The following CELF2 variants were observed in gnomAD, a reference collection of about 807,000 sequenced individuals.
CELF2 encodes the protein CUG triplet repeat RNA-binding protein 2.
In CELF2, 8 loss-of-function variants were observed where a neutral mutation model predicts 62.6. The observed-to-expected ratio is 0.13, with a 90% confidence interval of 0.07 to 0.23. The LOEUF (loss-of-function observed/expected upper bound fraction) is 0.23, where lower values mean the gene tolerates loss of function less well. CELF2 is among the 10% of genes least tolerant of loss of function. CELF2 has a pLI of 1.00. For synonymous variants in CELF2, 258 were observed against 250.0 expected (o/e 1.03, Z -0.30); for missense variants, 333 against 671.0 (o/e 0.50, Z 5.56).
chr10:10,761,110 C>A, the CELF2 span, among the ~76,000 whole-genome samples: 1 of 152,070 alleles, frequency 6.6e-6, no homozygotes, highest in Non-Finnish European at 1.5e-5. Context: ...AAAAAAAAAT[C>A]TTGATGACTT....
At chr10:10,977,935 C>T (rs1374836874) in intron 2 of CELF2, among the ~76,000 whole-genome samples, 1 of 152,064 alleles carries the variant, frequency 6.6e-6, no homozygotes. Context: ...AAAACCAGTG[C>T]CTGGCACAGT....
intron 1 of CELF2, among the ~76,000 whole-genome samples, chr10:11,044,855 A>AC (rs1336456349): frequency 1.3e-5 from 2 of 152,242 alleles, no homozygotes; most frequent in Non-Finnish European, 2.9e-5. Flanking sequence ...CCACAATACC[A>AC]AAAGGGATAT....
intron 1 of CELF2, among the ~76,000 whole-genome samples, chr10:11,142,645 C>G (rs2061541203): frequency 6.9e-6 from 1 of 145,394 alleles, no homozygotes; most frequent in Non-Finnish European, 1.5e-5. Context: ...GATCATGCCA[C>G]TGCGGTCCAG....
At chr10:11,307,803 C>G (rs1211579093) in intron 9 of CELF2, among the ~76,000 whole-genome samples, 1 of 152,176 alleles carries the variant, frequency 6.6e-6, no homozygotes, top group East Asian at 1.9e-4. Flanking sequence ...TTTTCAGTAG[C>G]AATGGGGCTG....
At chr10:10,992,102 T>C (rs1426222783) in intron 2 of CELF2, among the ~76,000 whole-genome samples, 3 of 152,170 alleles carry the variant, frequency 2.0e-5, no homozygotes, top group African/African-American at 4.8e-5. Context: ...AAAACAAATT[T>C]ACTAGTCAAT....
At chr10:10,816,436 T>A (rs1029721419) in intron 1 of CELF2, among the ~76,000 whole-genome samples, 2 of 152,220 alleles carry the variant, frequency 1.3e-5, no homozygotes, top group Admixed American at 6.5e-5. Flanking sequence ...AATCAAGATG[T>A]TTCAAGTATA....
chr10:11,262,526 G>T (rs1035209023), intron 5 of CELF2, among the ~76,000 whole-genome samples: 10 of 152,170 alleles, frequency 6.6e-5, no homozygotes, highest in Non-Finnish European at 1.5e-4. Flanking sequence ...TCCAAATACA[G>T]ACTTCCAATC....
chr10:10,625,194 TATTGATAGAAAAGACAA>T, the CELF2 span, among the ~76,000 whole-genome samples: 1 of 150,688 alleles, frequency 6.6e-6, no homozygotes, highest in Non-Finnish European at 1.5e-5. Flanking sequence ...GTAGGTATGG[TATTGATAGAAAAGACAA>T]ATTAAAGATA....
the CELF2 span, among the ~76,000 whole-genome samples, chr10:10,674,763 T>C: frequency 8.6e-5 from 13 of 151,918 alleles, no homozygotes; most frequent in Non-Finnish European, 1.6e-4. Context: ...AAGCCCTCTT[T>C]CAAATAACAC....
chr10:11,291,477 T>G (rs566116937), intron 9 of CELF2, among the ~76,000 whole-genome samples: 9 of 152,356 alleles, frequency 5.9e-5, no homozygotes, highest in Admixed American at 5.9e-4. Flanking sequence ...TAGTTTAAAT[T>G]GCCCATGGTT....
chr10:11,154,944 C>T (rs186483085), intron 1 of CELF2, among the ~76,000 whole-genome samples: 5 of 152,156 alleles, frequency 3.3e-5, no homozygotes, highest in Non-Finnish European at 4.4e-5. Flanking sequence ...CAAACAAAGC[C>T]GAAGAGTTTA....
intron 8 of CELF2, among the ~76,000 whole-genome samples, chr10:11,284,516 G>A (rs1269517188): frequency 1.5e-4 from 22 of 150,188 alleles, no homozygotes; most frequent in Middle Eastern, 3.5e-3. Context: ...TGAGGGATGA[G>A]TGTGTGGTGG....
chr10:11,058,180 A>C (rs563992880), intron 1 of CELF2, among the ~76,000 whole-genome samples: 2 of 152,260 alleles, frequency 1.3e-5, no homozygotes, highest in South Asian at 4.1e-4. Flanking sequence ...AAGTAGGCAT[A>C]AAATACTAAA....
At chr10:11,289,322 C>T (rs1015774653) in intron 9 of CELF2, among the ~76,000 whole-genome samples, 1 of 152,096 alleles carries the variant, frequency 6.6e-6, no homozygotes, top group African/African-American at 2.4e-5. Flanking sequence ...TTCTAACTTT[C>T]AAAATCCCAT....
intron 5 of CELF2, among the ~76,000 whole-genome samples, chr10:11,265,092 C>G (rs2279807): frequency 0.69 from 104,931 of 152,190 alleles, 38,702 homozygotes; most frequent in Non-Finnish European, 0.81. Flanking sequence ...TAAAAGGTGC[C>G]GCTACAGTAT....
chr10:10,534,120 GA>G, the CELF2 span, among the ~76,000 whole-genome samples: 627 of 149,290 alleles, frequency 4.2e-3, 6 homozygotes, highest in African/African-American at 0.015. Context: ...ATAAGGACTG[GA>G]AAAAAATAAA....
intron 1 of CELF2, among the ~76,000 whole-genome samples, chr10:10,840,917 C>A (rs2058639159): frequency 6.6e-6 from 1 of 152,156 alleles, no homozygotes; most frequent in Non-Finnish European, 1.5e-5. Context: ...GTTCAACCCC[C>A]ACTTATGAGT....
At chr10:10,916,373 T>C (rs1322144988) in intron 1 of CELF2, among the ~76,000 whole-genome samples, 1 of 152,236 alleles carries the variant, frequency 6.6e-6, no homozygotes, top group African/African-American at 2.4e-5. Flanking sequence ...TTTTCAGTAA[T>C]CATGGACATC....
the CELF2 span, among the ~76,000 whole-genome samples, chr10:10,658,028 A>G: frequency 2.6e-5 from 4 of 152,350 alleles, no homozygotes; most frequent in African/African-American, 4.8e-5. Context: ...ACATGCCACT[A>G]TGAAACAGAG....
Sources: gnomAD v4.1 joint callset for allele counts (sites outside exome capture counted in the v4.1 genomes callset) on GRCh38, gnomAD v4.1.1 for gene constraint, MANE v1.5 for transcripts, NCBI Gene and HGNC (gene_info 2026-07-23, HGNC 2026-07-21) for gene names.